CTNNA3: variants seen among roughly 807,000 people sequenced by gnomAD.
CTNNA3 encodes catenin alpha 3, also known as catenin alpha-3.
Under a neutral mutation model 95.7 loss-of-function variants are expected in CTNNA3, and 76 were observed. That is an observed-to-expected ratio of 0.79 (90% CI 0.66 to 0.96). The LOEUF (loss-of-function observed/expected upper bound fraction) is 0.96, where lower values mean the gene tolerates loss of function less well. Ranked by LOEUF, CTNNA3 falls within the 40% of genes least tolerant of loss-of-function variation. The probability of loss-of-function intolerance (pLI) is 0.00; values close to 1 mark genes in which losing one functional copy is unlikely to be tolerated. For missense variants in CTNNA3, 1,191 were observed against 1,089.8 expected (o/e 1.09, Z -1.31); for synonymous variants, 431 against 374.4 (o/e 1.15, Z -1.74).
At chr10:67,359,705 G>A (rs903891171) in intron 5 of CTNNA3, among the ~76,000 whole-genome samples, 2 of 152,086 alleles carry the variant, frequency 1.3e-5, no homozygotes, top group African/African-American at 2.4e-5. Context: ...AGAAATATGG[G>A]ATTATGTAGA....
chr10:66,533,024 T>A lies in CTNNA3; in HGVS notation c.1375-12251A>T, dbSNP rs374375106. On this transcript the variant is annotated intron_variant, in intron 10 of 17. Transcript: ENST00000433211. Reference sequence around the variant, plus strand: ...ATCTCTCAGTGACAACTGAGGTAGCTTTAGTTCTGTTCCTAGCCACTCTCT... The same window carrying A: ...ATCTCTCAGTGACAACTGAGGTAGCATTAGTTCTGTTCCTAGCCACTCTCT... Among the ~76,000 whole-genome samples, 9 of 152,250 alleles carry A rather than the reference T, an allele frequency of 5.9e-5. No individual in the cohort carries two copies. The East Asian group carries it at 1.3e-3, about 23-fold the overall frequency.
chr10:67,447,957 A>G (rs190410833), intron 5 of CTNNA3, among the ~76,000 whole-genome samples: 7 of 152,372 alleles, frequency 4.6e-5, no homozygotes, highest in African/African-American at 9.6e-5. Flanking sequence ...AAGTGCTATT[A>G]GAATGAGCCA....
chr10:66,451,868 C>T (rs965622730), intron 11 of CTNNA3, among the ~76,000 whole-genome samples: 1 of 152,202 alleles, frequency 6.6e-6, no homozygotes, highest in Admixed American at 6.5e-5. Context: ...GGGCCAAACT[C>T]TTCATGCTTT....
At chr10:66,453,371 A>G (rs186710218) in intron 11 of CTNNA3, among the ~76,000 whole-genome samples, 43 of 152,356 alleles carry the variant, frequency 2.8e-4, no homozygotes, top group African/African-American at 1.0e-3. Context: ...GGCAGCAGAC[A>G]AGATAAACCC....
intron 7 of CTNNA3, among the ~76,000 whole-genome samples, chr10:66,969,628 G>GA (rs1161032365): frequency 5.9e-5 from 9 of 152,048 alleles, no homozygotes; most frequent in Admixed American, 2.0e-4. Context: ...CAGTAGTTAT[G>GA]AAAATTTTTA....
At chr10:67,719,817 C>T (rs1841167338) in intron 1 of CTNNA3, among the ~76,000 whole-genome samples, 1 of 151,940 alleles carries the variant, frequency 6.6e-6, no homozygotes, top group Admixed American at 6.6e-5. Flanking sequence ...CTATTAGGTC[C>T]ACTTGGTCCA....
At chr10:67,234,121 C>T (rs1234403743) in intron 5 of CTNNA3, among the ~76,000 whole-genome samples, 1 of 152,142 alleles carries the variant, frequency 6.6e-6, no homozygotes, top group Admixed American at 6.5e-5. Context: ...TGAAACTATT[C>T]CAATCAATAG....
chr10:66,134,476 TGAG>T (rs1213717613), intron 13 of CTNNA3, among the ~76,000 whole-genome samples: 3 of 152,152 alleles, frequency 2.0e-5, no homozygotes, highest in African/African-American at 7.2e-5. Flanking sequence ...AAAAATAAGA[TGAG>T]GAAGATTTGT....
intron 15 of CTNNA3, among the ~76,000 whole-genome samples, chr10:66,063,696 C>A (rs1320044463): frequency 6.6e-6 from 1 of 151,580 alleles, no homozygotes; most frequent in Non-Finnish European, 1.5e-5. Context: ...TTATATTTAC[C>A]CTAAATTTTC....
chr10:67,047,881 A>G (rs1176624951), intron 7 of CTNNA3, among the ~76,000 whole-genome samples: 1 of 152,074 alleles, frequency 6.6e-6, no homozygotes, highest in East Asian at 1.9e-4. Flanking sequence ...AAAAACAAAA[A>G]AACAAAACAA....
chr10:66,246,652 C>A (rs1473670612), intron 13 of CTNNA3, among the ~76,000 whole-genome samples: 1 of 151,420 alleles, frequency 6.6e-6, no homozygotes, highest in Non-Finnish European at 1.5e-5. Flanking sequence ...TTAACAGAGA[C>A]TGAAATTAAA....
chr10:66,410,936 A>G (rs1377806033), intron 11 of CTNNA3, among the ~76,000 whole-genome samples: 1 of 152,220 alleles, frequency 6.6e-6, no homozygotes, highest in Non-Finnish European at 1.5e-5. Context: ...CTCTCAATAT[A>G]TAGAAGAGTA....
chr10:66,648,920 A>C (rs1466178424), intron 9 of CTNNA3, among the ~76,000 whole-genome samples: 1 of 152,206 alleles, frequency 6.6e-6, no homozygotes. Context: ...TGGGTTGTTA[A>C]GGCAAAGAAA....
chr10:67,246,104 G>T (rs753713196), intron 5 of CTNNA3, among the ~76,000 whole-genome samples: 1 of 152,168 alleles, frequency 6.6e-6, no homozygotes, highest in African/African-American at 2.4e-5. Context: ...GGTCAACTGC[G>T]TATGACTGCC....
chr10:65,938,272 C>T (rs1670155), intron 17 of CTNNA3, among the ~76,000 whole-genome samples: 22,981 of 152,080 alleles, frequency 0.15, 2,158 homozygotes, highest in South Asian at 0.23. Flanking sequence ...GATACTTAAA[C>T]GTGCTTCGTA....
At chr10:66,384,158 G>A (rs923184852) in intron 11 of CTNNA3, among the ~76,000 whole-genome samples, 2 of 152,116 alleles carry the variant, frequency 1.3e-5, no homozygotes, top group Admixed American at 1.3e-4. Flanking sequence ...TGGCATGTTG[G>A]ATAAAGAGTC....
At chr10:65,932,491 G>C (rs989792477) in intron 17 of CTNNA3, among the ~76,000 whole-genome samples, 1 of 152,076 alleles carries the variant, frequency 6.6e-6, no homozygotes, top group Non-Finnish European at 1.5e-5. Flanking sequence ...CCACTTATTA[G>C]ATAAGGTATC....
At chr10:67,558,610 T>C (rs61139917) in intron 3 of CTNNA3, among the ~76,000 whole-genome samples, 19,876 of 152,200 alleles carry the variant, frequency 0.13, 1,599 homozygotes, top group East Asian at 0.31. Context: ...CGGGTTCATC[T>C]CACTAGGGCG....
At chr10:67,668,744 T>G (rs1305086990) in intron 1 of CTNNA3, among the ~76,000 whole-genome samples, 1 of 152,094 alleles carries the variant, frequency 6.6e-6, no homozygotes, top group Non-Finnish European at 1.5e-5. Flanking sequence ...ATTTCTGGAA[T>G]TTCCATTTCA....
Sources: gnomAD v4.1 joint callset for allele counts (sites outside exome capture counted in the v4.1 genomes callset) on GRCh38, gnomAD v4.1.1 for gene constraint, MANE v1.5 for transcripts, NCBI Gene and HGNC (gene_info 2026-07-23, HGNC 2026-07-21) for gene names.